Variants in RNF17 observed in about 807,000 individuals in gnomAD.
The protein encoded by RNF17 is ring finger protein 17, also known as spermatogenesis associated 23.
RNF17 carries 31 observed loss-of-function variants against 200.5 expected under a neutral mutation model. That is an observed-to-expected ratio of 0.15 (90% CI 0.12 to 0.21). The LOEUF is 0.21. RNF17 is among the 10% of genes least tolerant of loss of function. The pLI is 1.00. For synonymous variants in RNF17, 606 were observed against 637.8 expected (o/e 0.95, Z 0.75); for missense variants, 1,628 against 1,905.1 (o/e 0.85, Z 2.71).
intron 30 of RNF17, 107 bp from the exon 31 acceptor site, chr13:24,868,493 A>ACAAAAAAAAAAAAAG (rs1893909187): frequency 7.3e-6 from 2 of 275,156 alleles, no homozygotes; most frequent in Non-Finnish European, 1.3e-5. Flanking sequence ...AAAAAAAAAA[A>ACAAAAAAAAAAAAAG]CTTGCTTTCT....
chr13:24,884,880 T>A (rs375626210), downstream of RNF17, among the ~76,000 whole-genome samples: 2 of 152,342 alleles, frequency 1.3e-5, no homozygotes, highest in African/African-American at 4.8e-5. Flanking sequence ...TCATCACCTC[T>A]AACCTGTATA....
intron 15 of RNF17, among the ~76,000 whole-genome samples, chr13:24,820,690 C>T (rs997006775): frequency 6.6e-6 from 1 of 152,130 alleles, no homozygotes; most frequent in Non-Finnish European, 1.5e-5. Context: ...CCCCCTTGGC[C>T]TCCCCAAAGT....
chr13:24,888,243 A>T, the RNF17 span, among the ~76,000 whole-genome samples: 1 of 152,040 alleles, frequency 6.6e-6, no homozygotes, highest in Non-Finnish European at 1.5e-5. Context: ...TCAACATTAC[A>T]AGGAAAAACA....
chr13:24,806,530 T>C (rs916943312), intron 15 of RNF17, among the ~76,000 whole-genome samples: 1 of 152,208 alleles, frequency 6.6e-6, no homozygotes, highest in African/African-American at 2.4e-5. Flanking sequence ...TTCTGACTGG[T>C]GTGAGATGGT....
chr13:24,795,158 G>A (rs1282976127), intron 10 of RNF17, among the ~76,000 whole-genome samples: 1 of 151,978 alleles, frequency 6.6e-6, no homozygotes, highest in Non-Finnish European at 1.5e-5. Flanking sequence ...TTCAGTTTCT[G>A]TCATCTATCT....
chr13:24,851,193 C>T (rs959107920), intron 23 of RNF17, among the ~76,000 whole-genome samples: 10 of 152,216 alleles, frequency 6.6e-5, no homozygotes, highest in Non-Finnish European at 4.4e-5. Flanking sequence ...GGGGTTTCCC[C>T]ATGTTGGTCA....
Position 24,862,934 on chromosome 13 carries a change from A to G in RNF17, c.3975+141A>G, listed in dbSNP as rs1021072918. On this transcript the variant is annotated intron_variant, in intron 28 of 35. Transcript: ENST00000255324. The stretch of plus-strand genomic sequence containing the variant: ...GCTTGTTAGCATAAAAGAAACTACC[A>G]GTTTGGTTCCTGCGCCTGCTTTAAA... 6.4e-6 allele frequency: 3 copies of G among 469,256 alleles called. No individual in the cohort carries two copies. In the Admixed American group the frequency reaches 1.0e-4, roughly 16 times the overall value. The allele number at this position is 469,256 out of a possible 1,614,324, so 29.1% of individuals were successfully genotyped here.
Position 24,828,265 on chromosome 13 carries a change from A to G in RNF17, c.2246-2219A>G, listed in dbSNP as rs751909799. Among the ~76,000 whole-genome samples the G allele has an allele frequency of 2.0e-5, 3 of 151,884 alleles. No individual in the cohort carries two copies. The East Asian group carries it at 5.8e-4, about 29-fold the overall frequency. On this transcript the variant is annotated intron_variant, in intron 16 of 35. Coordinates refer to ENST00000255324, the MANE Select transcript of RNF17 (RefSeq NM_031277.3). Reference sequence around the variant, plus strand: ...CTACTTCTTCATTTCTATTAGCACCACTTTTGGGGTGCTAATAGAAATGTA... The same window carrying G: ...CTACTTCTTCATTTCTATTAGCACCGCTTTTGGGGTGCTAATAGAAATGTA...
intron 16 of RNF17, among the ~76,000 whole-genome samples, chr13:24,829,980 C>A (rs1593368384): frequency 6.6e-6 from 1 of 152,124 alleles, no homozygotes; most frequent in Non-Finnish European, 1.5e-5. Flanking sequence ...TAAGTGCTTA[C>A]TTTGTACCTT....
chr13:24,838,406 TC>T (rs1408668367), intron 18 of RNF17, among the ~76,000 whole-genome samples: 1 of 152,132 alleles, frequency 6.6e-6, no homozygotes, highest in Non-Finnish European at 1.5e-5. Context: ...CTGATATCCT[TC>T]ATGAACATAG....
At chr13:24,819,487 T>G (rs956701326) in intron 15 of RNF17, among the ~76,000 whole-genome samples, 2 of 152,232 alleles carry the variant, frequency 1.3e-5, no homozygotes, top group Non-Finnish European at 2.9e-5. Flanking sequence ...TATTATAGTA[T>G]CAGGTTTTGC....
At chr13:24,787,464 T>C (rs1230795006) in intron 6 of RNF17, among the ~76,000 whole-genome samples, 2 of 152,180 alleles carry the variant, frequency 1.3e-5, no homozygotes, top group Admixed American at 6.5e-5. Context: ...GCAGACTGGC[T>C]CTTGATGTAA....
At chr13:24,752,562 GA>G in the RNF17 span, among the ~76,000 whole-genome samples, 23 of 152,254 alleles carry the variant, frequency 1.5e-4, no homozygotes, top group African/African-American at 5.5e-4. Flanking sequence ...AAGGGATCAA[GA>G]AACTCTGATA....
chr13:24,854,654 A>T (rs1036027753), intron 25 of RNF17, among the ~76,000 whole-genome samples: 3 of 152,182 alleles, frequency 2.0e-5, no homozygotes, highest in Admixed American at 6.5e-5. Context: ...GAAAAAGGAA[A>T]TAAAGGTCCA....
At position 24,800,419 on chromosome 13, in the gene RNF17, T is replaced by C; in HGVS notation, c.1643T>C (p.Leu548Pro). The change falls in exon 13 of 36, where the codon CTA becomes CCA. Residue 548 changes from leucine to proline, a missense_variant. By Grantham distance (98) the Leu-to-Pro change is moderately conservative. Around this residue, in one of 5 missense-constraint regions of RNF17, gnomAD observed 289 missense variants for 384.9 expected, o/e 0.75. Transcript: ENST00000255324. ...CACTCTGCTAAGCAACATATTGCAC[T>C]AAATGATTTATGTCTGGTTCTAAGG... Reference protein sequence around the residue: ...PEHSAKQHIALNDLCLVLRKS... With the variant: ...PEHSAKQHIAPNDLCLVLRKS... 3 of 1,613,066 alleles carry C rather than the reference T, an allele frequency of 1.9e-6. No individual in the cohort carries two copies.
chr13:24,883,306 C>G (rs1953916991), downstream of RNF17: 4 of 1,613,902 alleles, frequency 2.5e-6, no homozygotes, highest in Non-Finnish European at 3.4e-6. Context: ...ATTCCCGTCT[C>G]TTGAACTGGG....
the RNF17 span, among the ~76,000 whole-genome samples, chr13:24,757,238 T>C: frequency 6.6e-6 from 1 of 152,172 alleles, no homozygotes; most frequent in Non-Finnish European, 1.5e-5. Context: ...CACTTTATTC[T>C]TCCTAACTAC....
chr13:24,852,426 C>T (rs1892041060), intron 24 of RNF17, among the ~76,000 whole-genome samples: 2 of 152,164 alleles, frequency 1.3e-5, no homozygotes, highest in African/African-American at 4.8e-5. Flanking sequence ...GTGTGAGCCA[C>T]CACGCTCGGC....
rs754269571 is a variant in RNF17 at position 24,854,155 on chromosome 13, CTA to C, written c.3610+13_3610+14del. The stretch of plus-strand genomic sequence containing the variant: ...TACCTAAACTATCAGGTGAGACCTT[CTA>C]TGTTATGTAGGCTCTAGTTCTCTAG... On this transcript the variant is annotated intron_variant, in intron 25 of 35. Coordinates refer to ENST00000255324, the MANE Select transcript of RNF17 (RefSeq NM_031277.3). 1 of 1,594,344 alleles carries C rather than the reference CTA, an allele frequency of 6.3e-7. No individual in the cohort carries two copies. The highest frequency in any genetic ancestry group is 1.1e-5 in the South Asian group (1 of 89,106).
Sources: gnomAD v4.1 joint callset for allele counts (sites outside exome capture counted in the v4.1 genomes callset) on GRCh38, gnomAD v4.1.1 for gene constraint, gnomAD v4.1.1 regional missense constraint, MANE v1.5 for transcripts, NCBI Gene and HGNC (gene_info 2026-07-23, HGNC 2026-07-21) for gene names.